The following NXPE2 variants were observed in gnomAD, a reference collection of about 807,000 sequenced individuals.
The protein encoded by NXPE2 is NXPE family member 2.
Under a neutral mutation model 34.4 loss-of-function variants are expected in NXPE2, and 34 were observed. The observed-to-expected ratio is 0.99, with a 90% CI of 0.75 to 1.31. NXPE2 has a LOEUF of 1.31. Ranked by LOEUF, NXPE2 falls within the 40% of genes most tolerant of loss-of-function variation. The pLI, the probability that NXPE2 is intolerant of heterozygous loss-of-function variation, is 0.00. For synonymous variants in NXPE2, 235 were observed against 231.3 expected (o/e 1.02, Z -0.15); for missense variants, 649 against 672.5 (o/e 0.97, Z 0.39).
At chr11:114,676,735 T>A (rs1950862083), upstream of NXPE2, among the ~76,000 whole-genome samples, 1 of 152,074 alleles carries the variant, frequency 6.6e-6, no homozygotes, top group Non-Finnish European at 1.5e-5. Flanking sequence ...TACTGTATGA[T>A]CCAGCAATCC....
At chr11:114,784,770 GCCA>G in the NXPE2 span, among the ~76,000 whole-genome samples, 1 of 152,044 alleles carries the variant, frequency 6.6e-6, no homozygotes, top group African/African-American at 2.4e-5. Context: ...AAGAGATACC[GCCA>G]AATAGTGCAG....
chr11:114,636,210 G>A, the NXPE2 span, among the ~76,000 whole-genome samples: 1 of 151,970 alleles, frequency 6.6e-6, no homozygotes, highest in African/African-American at 2.4e-5. Context: ...ATGTGTCGAG[G>A]AATTTATCCA....
At chr11:114,756,562 C>T in the NXPE2 span, among the ~76,000 whole-genome samples, 35 of 152,048 alleles carry the variant, frequency 2.3e-4, no homozygotes, top group Admixed American at 1.2e-3. Flanking sequence ...TAATTTTTCT[C>T]CATAAAGAAA....
chr11:114,472,626 GA>G, the NXPE2 span, among the ~76,000 whole-genome samples: 5 of 152,122 alleles, frequency 3.3e-5, no homozygotes, highest in East Asian at 9.6e-4. Context: ...TAGAGGCTGG[GA>G]AGTCCAAGAT....
intron 1 of NXPE2, 24 bp from the exon 2 acceptor site, chr11:114,679,630 GATT>G (rs1482658259): frequency 7.2e-7 from 1 of 1,387,894 alleles, no homozygotes; most frequent in Admixed American, 2.0e-5. Context: ...GATTTAATGT[GATT>G]ATTTCTCCTG....
the NXPE2 span, among the ~76,000 whole-genome samples, chr11:114,514,154 G>A: frequency 1.3e-5 from 2 of 152,052 alleles, no homozygotes; most frequent in South Asian, 4.1e-4. Flanking sequence ...TATTTTGAAT[G>A]TCTTTTCATT....
the NXPE2 span, among the ~76,000 whole-genome samples, chr11:114,725,972 A>ATAT: frequency 3.9e-3 from 55 of 14,264 alleles, no homozygotes; most frequent in African/African-American, 7.2e-3. Flanking sequence ...TATAATAAAA[A>ATAT]AAAAATATAT....
the NXPE2 span, chr11:114,518,429 C>A: frequency 6.6e-6 from 1 of 152,184 alleles, no homozygotes; most frequent in Admixed American, 6.5e-5. Context: ...TGCCAGCTAC[C>A]AGCCTCAGGT....
chr11:114,484,040 A>G, the NXPE2 span, among the ~76,000 whole-genome samples: 1 of 152,206 alleles, frequency 6.6e-6, no homozygotes, highest in Middle Eastern at 3.4e-3. Context: ...GAAATGAAAG[A>G]TGGTTGCTCT....
chr11:114,483,258 G>A, the NXPE2 span, among the ~76,000 whole-genome samples: 2 of 152,020 alleles, frequency 1.3e-5, no homozygotes, highest in Admixed American at 6.6e-5. Context: ...TCGCTGGTTG[G>A]GCTACTCATT....
At chr11:114,470,180 A>G in the NXPE2 span, among the ~76,000 whole-genome samples, 14 of 152,098 alleles carry the variant, frequency 9.2e-5, no homozygotes, top group Admixed American at 1.3e-4. Flanking sequence ...TTGTATGGAC[A>G]TATGTTTTTT....
chr11:114,640,582 A>C, the NXPE2 span, among the ~76,000 whole-genome samples: 1 of 151,920 alleles, frequency 6.6e-6, no homozygotes, highest in African/African-American at 2.4e-5. Context: ...CACAATGCAT[A>C]AGTGTTCCCT....
At chr11:114,696,916 C>T (rs1303311489) in intron 2 of NXPE2, among the ~76,000 whole-genome samples, 2 of 152,066 alleles carry the variant, frequency 1.3e-5, no homozygotes, top group Non-Finnish European at 2.9e-5. Flanking sequence ...TTTTCTTGTA[C>T]ATAAATATCT....
chr11:114,488,976 A>G, the NXPE2 span, among the ~76,000 whole-genome samples: 1 of 152,202 alleles, frequency 6.6e-6, no homozygotes, highest in East Asian at 1.9e-4. Context: ...ACTAATAAAG[A>G]AGAAAAGAGA....
the NXPE2 span, among the ~76,000 whole-genome samples, chr11:114,574,334 G>T: frequency 1.3e-5 from 2 of 150,434 alleles, no homozygotes; most frequent in East Asian, 3.9e-4. Flanking sequence ...ACCCAAACCT[G>T]GCAGAAAAAA....
the NXPE2 span, among the ~76,000 whole-genome samples, chr11:114,561,011 G>A: frequency 6.6e-6 from 1 of 152,136 alleles, no homozygotes; most frequent in African/African-American, 2.4e-5. Context: ...TTTCTCTCAT[G>A]CCTCATGCCC....
chr11:114,465,541 A>C, the NXPE2 span, among the ~76,000 whole-genome samples: 427 of 152,300 alleles, frequency 2.8e-3, 1 homozygote, highest in African/African-American at 8.6e-3. Flanking sequence ...GAGGAAGGGT[A>C]TGTGATTGGA....
the NXPE2 span, among the ~76,000 whole-genome samples, chr11:114,809,603 G>T: frequency 1.9e-5 from 2 of 105,112 alleles, no homozygotes; most frequent in South Asian, 4.2e-4. Flanking sequence ...GCTTCAAAGA[G>T]AATAAAATAC....
the NXPE2 span, among the ~76,000 whole-genome samples, chr11:114,611,124 T>C: frequency 6.7e-6 from 1 of 149,626 alleles, no homozygotes; most frequent in Admixed American, 6.7e-5. Flanking sequence ...ATAGTTAGTA[T>C]TGCCTCATGG....
Sources: gnomAD v4.1 joint callset for allele counts (sites outside exome capture counted in the v4.1 genomes callset) on GRCh38, gnomAD v4.1.1 for gene constraint, MANE v1.5 for transcripts, NCBI Gene and HGNC (gene_info 2026-07-23, HGNC 2026-07-21) for gene names.